SH3GL2: variants seen among roughly 807,000 people sequenced by gnomAD.
SH3GL2 encodes the protein SH3 domain containing GRB2 like 2, endophilin A1, also known as endophilin-A1.
SH3GL2 carries 24 observed loss-of-function variants against 46.0 expected under a neutral mutation model. That is an observed-to-expected ratio of 0.52 (90% CI 0.38 to 0.73). SH3GL2 has a LOEUF of 0.73. Ranked by LOEUF, SH3GL2 falls within the 30% of genes least tolerant of loss-of-function variation. The pLI is 0.00. For synonymous variants in SH3GL2, 196 were observed against 147.1 expected (o/e 1.33, Z -2.40); for missense variants, 413 against 424.2 (o/e 0.97, Z 0.23).
rs570226425 is a variant in SH3GL2 at position 17,612,100 on chromosome 9, C to G, written c.45+32813C>G. 4.6e-5 allele frequency among the ~76,000 whole-genome samples: 7 copies of G among 152,268 alleles called. No individual in the cohort carries two copies. The East Asian group carries it at 7.7e-4, about 17-fold the overall frequency. ...CTAGCAGCAGAGCTGGCATAGAAGG[C>G]AAGCCCGTGACCTGTCTGTATGGGG... On this transcript the variant is annotated intron_variant, in intron 1 of 8. Transcript: ENST00000380607.
rs914593123 is a variant in SH3GL2, at chr9:17,755,772, C to T, written c.115-5665C>T. The T allele has an allele frequency of 4.8e-5, 47 of 984,940 alleles. 1 individual carries two copies. The highest frequency in any genetic ancestry group is 3.7e-4 in the Admixed American group (6 of 16,278). 61.0% of individuals were successfully genotyped at this position (984,940 alleles called of 1,614,324 possible). A position where few individuals can be genotyped will look rare whatever the true frequency, so the allele number is the denominator to read the frequency against. ...TTTTGTTGCTCCACAAACAACGCCA[C>T]GCTGTTCACGAGTCCTTACACCTAA... On this transcript the variant is annotated intron_variant, in intron 2 of 8. Coordinates refer to ENST00000380607, the MANE Select transcript of SH3GL2 (RefSeq NM_003026.5).
rs558900683 is a variant in SH3GL2 at position 17,795,870 on chromosome 9, A to G, written c.*127A>G. The G allele has an allele frequency of 1.7e-3, 1,275 of 744,982 alleles. 22 individuals are homozygous for G. In the South Asian group the frequency reaches 0.019, roughly 11 times the overall value. 46.1% of individuals were successfully genotyped at this position (744,982 alleles called of 1,614,324 possible). On this transcript the variant is annotated 3_prime_UTR_variant, in exon 9 of 9. Coordinates refer to ENST00000380607, the MANE Select transcript of SH3GL2 (RefSeq NM_003026.5). ...TGGTCCACGTCATCCAGCCCCACCA[A>G]GTGACTTTGGTTGACTTGTGGGCTC...
intron 1 of SH3GL2, among the ~76,000 whole-genome samples, chr9:17,596,501 C>G (rs1008675430): frequency 1.3e-5 from 2 of 152,120 alleles, no homozygotes; most frequent in Non-Finnish European, 2.9e-5. Flanking sequence ...GCCTCATTCT[C>G]CAGCCCTTAG....
chr9:17,677,073 C>G (rs1025295051), intron 1 of SH3GL2, among the ~76,000 whole-genome samples: 3 of 152,142 alleles, frequency 2.0e-5, no homozygotes, highest in Non-Finnish European at 2.9e-5. Context: ...TCCATCACGC[C>G]TGCAGTCACT....
intron 1 of SH3GL2, among the ~76,000 whole-genome samples, chr9:17,643,737 G>T (rs1375854882): frequency 1.3e-5 from 2 of 152,200 alleles, no homozygotes; most frequent in Non-Finnish European, 2.9e-5. Context: ...CGGTTTGTCA[G>T]TATTTTATTG....
chr9:17,747,645 C>T (rs546914790), intron 2 of SH3GL2, among the ~76,000 whole-genome samples: 1 of 152,112 alleles, frequency 6.6e-6, no homozygotes, highest in African/African-American at 2.4e-5. Context: ...ATCTATTGAT[C>T]AGAGCCTCTT....
At chr9:17,750,059 T>C (rs1822801405) in intron 2 of SH3GL2, among the ~76,000 whole-genome samples, 1 of 152,178 alleles carries the variant, frequency 6.6e-6, no homozygotes, top group African/African-American at 2.4e-5. Flanking sequence ...ATCTTTTGTT[T>C]CTGTCTCTAT....
At chr9:17,735,781 C>T (rs1008539598) in intron 1 of SH3GL2, 37 of 969,770 alleles carry the variant, frequency 3.8e-5, no homozygotes, top group Non-Finnish European at 4.4e-5. Flanking sequence ...ACATGGAAAG[C>T]ATAATAGGAA....
At chr9:17,622,986 G>A (rs7033698) in intron 1 of SH3GL2, among the ~76,000 whole-genome samples, 1 of 99,352 alleles carries the variant, frequency 1.0e-5, no homozygotes, top group Non-Finnish European at 2.0e-5. Context: ...GTTTCCTTTC[G>A]TTTCCTTTCC....
chr9:17,731,279 CT>C (rs1220382623), intron 1 of SH3GL2, among the ~76,000 whole-genome samples: 1 of 151,972 alleles, frequency 6.6e-6, no homozygotes, highest in African/African-American at 2.4e-5. Flanking sequence ...GCCCTAACCC[CT>C]AATGTGATGG....
chr9:17,678,157 G>C lies in SH3GL2; in HGVS notation c.46-68909G>C, dbSNP rs1347826788. Among the ~76,000 whole-genome samples, 4 of 151,984 alleles carry C rather than the reference G, an allele frequency of 2.6e-5. No individual in the cohort carries two copies. In the East Asian group the frequency reaches 7.7e-4, roughly 29 times the overall value. On this transcript the variant is annotated intron_variant, in intron 1 of 8. Transcript: ENST00000380607. ...TCCTTTGGGTATATACCCAGTAATGGGATTGCTGGGTCAAATGGTATTTCT... is the reference window on the plus strand; with the variant it reads ...TCCTTTGGGTATATACCCAGTAATGCGATTGCTGGGTCAAATGGTATTTCT...
intron 1 of SH3GL2, among the ~76,000 whole-genome samples, chr9:17,584,614 G>A (rs997999778): frequency 4.6e-5 from 7 of 152,318 alleles, no homozygotes; most frequent in African/African-American, 1.7e-4. Flanking sequence ...TCAAAATGCA[G>A]CCTTCTCTGC....
Position 17,603,022 on chromosome 9 carries a change from A to G in SH3GL2, c.45+23735A>G, listed in dbSNP as rs144882853. On this transcript the variant is annotated intron_variant, in intron 1 of 8. Coordinates refer to ENST00000380607, the MANE Select transcript of SH3GL2 (RefSeq NM_003026.5). ...TTACAACAGGAGCTTGGGCCCAGTC[A>G]TGGAACAGTGCTGTGTGTGCACATT... 5.9e-3 allele frequency among the ~76,000 whole-genome samples: 893 copies of G among 152,324 alleles called. 5 individuals are homozygous for G. The highest frequency in any genetic ancestry group is 0.02 in the African/African-American group (843 of 41,568).
At chr9:17,687,940 A>G (rs942863791) in intron 1 of SH3GL2, among the ~76,000 whole-genome samples, 10 of 152,068 alleles carry the variant, frequency 6.6e-5, no homozygotes, top group African/African-American at 2.4e-4. Context: ...CATTTAAGAG[A>G]TGCCTGACAG....
chr9:17,616,740 T>G (rs1819010125), intron 1 of SH3GL2, among the ~76,000 whole-genome samples: 1 of 151,896 alleles, frequency 6.6e-6, no homozygotes, highest in Non-Finnish European at 1.5e-5. Context: ...GTAAGTCCCT[T>G]TTTTTTTGTT....
At chr9:17,703,585 C>T (rs1045193136) in intron 1 of SH3GL2, among the ~76,000 whole-genome samples, 2 of 151,998 alleles carry the variant, frequency 1.3e-5, no homozygotes, top group Non-Finnish European at 2.9e-5. Flanking sequence ...TCCAGTAGCA[C>T]ATCAAAAAGC....
chr9:17,654,302 A>G (rs1416812346), intron 1 of SH3GL2, among the ~76,000 whole-genome samples: 2 of 152,188 alleles, frequency 1.3e-5, no homozygotes, highest in Non-Finnish European at 2.9e-5. Flanking sequence ...TGATTATAAC[A>G]TATTACCCTC....
At position 17,747,103 on chromosome 9, in the gene SH3GL2, A is replaced by G; in HGVS notation, c.83A>G (p.Lys28Arg). Residue 28 changes from lysine to arginine, a missense_variant, in exon 2 of 9, where the codon AAG (lysine) becomes AGG (arginine). Transcript: ENST00000380607. ...AAGGTTGGAGGAGCTGAAGGAACCA[A>G]GCTAGATGATGACTTCAAAGAGATG... ...SEKVGGAEGTKLDDDFKEMER... is the reference protein window; with the variant it reads ...SEKVGGAEGTRLDDDFKEMER... The G allele has an allele frequency of 6.2e-7, 1 of 1,610,868 alleles. No individual in the cohort carries two copies. The highest frequency in any genetic ancestry group is 1.7e-4 in the Middle Eastern group (1 of 6,052).
intron 1 of SH3GL2, among the ~76,000 whole-genome samples, chr9:17,676,916 T>G (rs1303776075): frequency 3.3e-5 from 5 of 152,194 alleles, no homozygotes; most frequent in African/African-American, 2.4e-5. Flanking sequence ...ACCCTCTTAT[T>G]GGGGTGTCTG....
Sources: allele counts gnomAD v4.1 joint callset (sites outside exome capture counted in the v4.1 genomes callset), GRCh38; gene constraint gnomAD v4.1.1; transcripts MANE v1.5; gene names NCBI Gene and HGNC (gene_info 2026-07-23, HGNC 2026-07-21).